Variants in NPAS3 observed in about 807,000 individuals in gnomAD.
NPAS3 encodes the protein neuronal PAS domain-containing protein 3.
A neutral mutation model predicts 73.1 loss-of-function variants in NPAS3; 14 were observed. The observed-to-expected ratio is 0.19, with a 90% CI of 0.13 to 0.30. The LOEUF is 0.30. NPAS3 is among the 10% of genes least tolerant of loss of function. The probability of loss-of-function intolerance (pLI) is 1.00; values close to 1 mark genes in which losing one functional copy is unlikely to be tolerated. For synonymous variants in NPAS3, 620 were observed against 541.5 expected (o/e 1.14, Z -2.01); for missense variants, 1,096 against 1,250.0 (o/e 0.88, Z 1.86).
intron 4 of NPAS3, among the ~76,000 whole-genome samples, chr14:33,517,395 G>A (rs979825618): frequency 6.6e-6 from 1 of 152,050 alleles, no homozygotes; most frequent in African/African-American, 2.4e-5. Context: ...TTACAACATG[G>A]CTTTCATTTG....
intron 3 of NPAS3, among the ~76,000 whole-genome samples, chr14:33,289,237 A>C (rs2041998245): frequency 6.6e-6 from 1 of 152,120 alleles, no homozygotes; most frequent in Admixed American, 6.5e-5. Context: ...GTGCCTCGTA[A>C]GTTTTAGAGT....
intron 3 of NPAS3, among the ~76,000 whole-genome samples, chr14:33,358,657 A>G (rs2045452545): frequency 6.6e-6 from 1 of 152,154 alleles, no homozygotes; most frequent in African/African-American, 2.4e-5. Context: ...TCATTTGCTT[A>G]TATGTCAGTA....
At chr14:33,045,884 A>G (rs540891997) in intron 1 of NPAS3, among the ~76,000 whole-genome samples, 10 of 152,180 alleles carry the variant, frequency 6.6e-5, no homozygotes, top group African/African-American at 2.4e-4. Context: ...TTCTGAGCCT[A>G]TTCTGAGGTG....
chr14:33,568,909 A>G (rs768214884), intron 5 of NPAS3, among the ~76,000 whole-genome samples: 1 of 152,230 alleles, frequency 6.6e-6, no homozygotes, highest in Non-Finnish European at 1.5e-5. Flanking sequence ...GTCCAAAGAT[A>G]TAATCTCTTT....
At chr14:33,004,676 C>T (rs981717884) in intron 1 of NPAS3, among the ~76,000 whole-genome samples, 3 of 151,984 alleles carry the variant, frequency 2.0e-5, no homozygotes, top group African/African-American at 7.2e-5. Context: ...AACTATTTTA[C>T]TTTATAAACT....
rs530748325 is a variant in NPAS3 at position 33,552,322 on chromosome 14, T to G, written c.469-7799T>G. 6.6e-5 allele frequency among the ~76,000 whole-genome samples: 10 copies of G among 152,308 alleles called. No individual in the cohort carries two copies. In the East Asian group the frequency reaches 1.4e-3, roughly 21 times the overall value. ...AGTCAAAGGATCCTTTGTTCTCAGC[T>G]CTACCACATGTTAGTTAGGTGACAC... On this transcript the variant is annotated intron_variant, in intron 4 of 11. Transcript: ENST00000356141.
chr14:33,248,592 T>G (rs1249046127), intron 3 of NPAS3, among the ~76,000 whole-genome samples: 1 of 151,910 alleles, frequency 6.6e-6, no homozygotes, highest in African/African-American at 2.4e-5. Context: ...GTAAAATATG[T>G]TGAAATGATT....
intron 7 of NPAS3, among the ~76,000 whole-genome samples, chr14:33,762,062 T>TA (rs1441561603): frequency 6.6e-6 from 1 of 152,226 alleles, no homozygotes; most frequent in South Asian, 2.1e-4. Flanking sequence ...CATTGATGTT[T>TA]AGTTTCTTAG....
At chr14:33,797,459 A>G in exon 11 of NPAS3, 1 of 1,614,136 alleles carries the variant, frequency 6.2e-7, no homozygotes, top group Non-Finnish European at 8.5e-7. Flanking sequence ...TTCCACAGCA[A>G]TCCTGAGTAC....
At chr14:33,409,826 A>T (rs2138875471) in intron 4 of NPAS3, among the ~76,000 whole-genome samples, 1 of 152,316 alleles carries the variant, frequency 6.6e-6, no homozygotes, top group Non-Finnish European at 1.5e-5. Flanking sequence ...GTTTCCTACC[A>T]TAATTGAATT....
At chr14:33,112,634 G>A (rs1442727380) in intron 2 of NPAS3, among the ~76,000 whole-genome samples, 1 of 152,036 alleles carries the variant, frequency 6.6e-6, no homozygotes, top group Admixed American at 6.6e-5. Context: ...CACTCTGATG[G>A]TAGTTTCTTT....
At chr14:33,041,858 G>T (rs1566495440) in intron 1 of NPAS3, among the ~76,000 whole-genome samples, 1 of 152,138 alleles carries the variant, frequency 6.6e-6, no homozygotes, top group Non-Finnish European at 1.5e-5. Flanking sequence ...CAGGTGGTTA[G>T]TTAGGCAGTC....
At chr14:33,654,482 TC>T (rs1220060130) in intron 5 of NPAS3, among the ~76,000 whole-genome samples, 1 of 152,176 alleles carries the variant, frequency 6.6e-6, no homozygotes, top group African/African-American at 2.4e-5. Flanking sequence ...CCTAACCTTT[TC>T]CAGTGGTGAA....
intron 2 of NPAS3, among the ~76,000 whole-genome samples, chr14:33,163,617 TTTG>T (rs1362282122): frequency 6.8e-6 from 1 of 146,926 alleles, no homozygotes; most frequent in Non-Finnish European, 1.5e-5. Flanking sequence ...GCAGAAGTGT[TTTG>T]TTGTTTTTTT....
intron 5 of NPAS3, among the ~76,000 whole-genome samples, chr14:33,598,194 C>A (rs2057301181): frequency 6.6e-6 from 1 of 152,222 alleles, no homozygotes; most frequent in African/African-American, 2.4e-5. Context: ...TTGGAATCTC[C>A]TTTACCCAGA....
chr14:33,456,061 T>C (rs910240678), intron 4 of NPAS3, among the ~76,000 whole-genome samples: 1 of 152,208 alleles, frequency 6.6e-6, no homozygotes, highest in African/African-American at 2.4e-5. Context: ...GATGATCCCA[T>C]TTCAATCAAA....
chr14:33,687,526 A>G (rs1001885842), intron 6 of NPAS3, among the ~76,000 whole-genome samples: 142 of 152,206 alleles, frequency 9.3e-4, no homozygotes, highest in Non-Finnish European at 2.9e-5. Flanking sequence ...TAGACACAGC[A>G]GGGATTGATG....
At chr14:33,268,910 T>G (rs2040944169) in intron 3 of NPAS3, among the ~76,000 whole-genome samples, 1 of 152,220 alleles carries the variant, frequency 6.6e-6, no homozygotes, top group Admixed American at 6.5e-5. Flanking sequence ...AGGGCTTTTT[T>G]GCCTCTCTAA....
At chr14:33,098,216 A>C (rs2042479474) in intron 2 of NPAS3, among the ~76,000 whole-genome samples, 1 of 152,134 alleles carries the variant, frequency 6.6e-6, no homozygotes, top group Non-Finnish European at 1.5e-5. Flanking sequence ...CTGAGTTGGC[A>C]TTATCTTTTT....
Sources: gnomAD v4.1 joint callset for allele counts (sites outside exome capture counted in the v4.1 genomes callset) on GRCh38, gnomAD v4.1.1 for gene constraint, MANE v1.5 for transcripts, NCBI Gene and HGNC (gene_info 2026-07-23, HGNC 2026-07-21) for gene names.